Variants in TAOK3 observed in about 807,000 individuals in gnomAD.
TAOK3 encodes TAO kinase 3, also known as serine/threonine-protein kinase TAO3.
In TAOK3, 40 loss-of-function variants were observed where a neutral mutation model predicts 120.4. That is an observed-to-expected ratio of 0.33 (90% CI 0.26 to 0.43). The LOEUF is 0.43. Ranked by LOEUF, TAOK3 falls within the 20% of genes least tolerant of loss-of-function variation. The pLI is 1.00. For missense variants in TAOK3, 821 were observed against 1,112.1 expected, an observed-to-expected ratio of 0.74 and a Z score of 3.72; for synonymous variants, 355 against 387.5, an observed-to-expected ratio of 0.92 and a Z score of 0.99.
intron 7 of TAOK3, among the ~76,000 whole-genome samples, chr12:118,236,857 C>T (rs539965113): frequency 2.0e-5 from 3 of 152,036 alleles, no homozygotes; most frequent in South Asian, 4.2e-4. Context: ...AGTATTTTGA[C>T]TCTTCAACAA....
At chr12:118,157,764 C>T (rs1452396956) in intron 19 of TAOK3, among the ~76,000 whole-genome samples, 2 of 152,242 alleles carry the variant, frequency 1.3e-5, no homozygotes, top group South Asian at 2.1e-4. Flanking sequence ...TGGTACATCA[C>T]GTAGGCACTC....
rs2045943163 is a variant in TAOK3 at position 118,372,850 on chromosome 12, G to A, written c.-396C>T. The A allele has an allele frequency of 6.5e-6, 1 of 153,238 alleles. No homozygotes were observed. The highest frequency in any genetic ancestry group is 1.4e-5 in the Non-Finnish European group (1 of 69,488). The allele number at this position is 153,238 out of a possible 1,614,324, so 9.5% of individuals were successfully genotyped here. On this transcript the variant is annotated 5_prime_UTR_variant, in exon 1 of 21. Coordinates refer to ENST00000392533, the MANE Select transcript of TAOK3 (RefSeq NM_016281.4). The surrounding 1 kb of genome is among the most constrained non-coding windows in gnomAD (Gnocchi z 4.6). ...TCTCCACGCAGGACCCCGCCGCCCG[G>A]CGCCACAAGGACCCTCCCGCGGCCG...
At chr12:118,260,815 GA>G (rs1439738096) in intron 2 of TAOK3, among the ~76,000 whole-genome samples, 1 of 152,142 alleles carries the variant, frequency 6.6e-6, no homozygotes, top group Non-Finnish European at 1.5e-5. Flanking sequence ...CAAGCAGGTG[GA>G]ATTACAGGCA....
intron 1 of TAOK3, among the ~76,000 whole-genome samples, chr12:118,335,142 C>G (rs997864444): frequency 1.3e-5 from 2 of 151,096 alleles, no homozygotes; most frequent in Non-Finnish European, 2.9e-5. Context: ...CAAGGTTGCG[C>G]CATCCCACTT....
At chr12:118,219,288 T>C (rs2039104725) in intron 9 of TAOK3, among the ~76,000 whole-genome samples, 1 of 152,094 alleles carries the variant, frequency 6.6e-6, no homozygotes, top group South Asian at 2.1e-4. Context: ...GGTCTTGCTC[T>C]GTTGCCCAGG....
chr12:118,198,580 T>TACATG (rs2037862651), intron 13 of TAOK3: 1 of 167,200 alleles, frequency 6.0e-6, no homozygotes, highest in Non-Finnish European at 1.3e-5. Flanking sequence ...AAAGACGGGG[T>TACATG]TTCGCCATGT....
intron 1 of TAOK3, among the ~76,000 whole-genome samples, chr12:118,293,673 CAA>C (rs1001779572): frequency 2.5e-5 from 3 of 119,778 alleles, no homozygotes; most frequent in Non-Finnish European, 3.5e-5. Context: ...GACTCTGTCT[CAA>C]AAAAAAAAAG....
At chr12:118,221,027 C>T (rs2039204233) in intron 9 of TAOK3, among the ~76,000 whole-genome samples, 2 of 152,210 alleles carry the variant, frequency 1.3e-5, no homozygotes, top group Non-Finnish European at 2.9e-5. Context: ...CAGCTATCAG[C>T]CTGCTTTTGT....
intron 1 of TAOK3, among the ~76,000 whole-genome samples, chr12:118,302,146 G>A (rs936311310): frequency 2.6e-5 from 4 of 152,086 alleles, no homozygotes; most frequent in African/African-American, 9.7e-5. Context: ...ATGCATTTCT[G>A]CACAGATCAA....
At chr12:118,165,794 C>T (rs1271097630) in intron 17 of TAOK3, among the ~76,000 whole-genome samples, 1 of 152,184 alleles carries the variant, frequency 6.6e-6, no homozygotes, top group African/African-American at 2.4e-5. Flanking sequence ...TTTCTCTATT[C>T]AGAAGGGAAT....
chr12:118,183,521 A>G (rs2036892634), intron 14 of TAOK3, among the ~76,000 whole-genome samples: 1 of 152,206 alleles, frequency 6.6e-6, no homozygotes, highest in South Asian at 2.1e-4. Context: ...AAAATAAATG[A>G]TCTATTTTAT....
chr12:118,184,422 C>T (rs1287475131), intron 14 of TAOK3, among the ~76,000 whole-genome samples: 2 of 152,038 alleles, frequency 1.3e-5, no homozygotes, highest in African/African-American at 4.8e-5. Context: ...AAGAATACAC[C>T]TTTTGGTCAA....
At chr12:118,255,825 G>T in intron 2 of TAOK3, 170 bp from the exon 3 acceptor site, 1 of 275,680 alleles carries the variant, frequency 3.6e-6, no homozygotes. Flanking sequence ...GCTCATGCCT[G>T]TAATCCCGGC....
chr12:118,371,605 G>T lies in TAOK3; in HGVS notation c.-194+1043C>A, dbSNP rs868557474. Reference sequence around the variant, plus strand: ...TGCCAGACCCTGGGAGCACCTCCCCGCTCCACTCGTCTGCGCTGCAGCCGG... The same window carrying T: ...TGCCAGACCCTGGGAGCACCTCCCCTCTCCACTCGTCTGCGCTGCAGCCGG... On this transcript the variant is annotated intron_variant, in intron 1 of 20. Coordinates refer to ENST00000392533, the MANE Select transcript of TAOK3 (RefSeq NM_016281.4). This position sits in a 1 kb window ranked among gnomAD's most constrained non-coding sequence, Gnocchi z 5.5. Among the ~76,000 whole-genome samples, 2 of 151,922 alleles carry T rather than the reference G, an allele frequency of 1.3e-5. No individual in the cohort carries two copies. Among genetic ancestry groups the T allele is most frequent in the Non-Finnish European group, 2.9e-5 (2 of 67,958 alleles).
intron 14 of TAOK3, among the ~76,000 whole-genome samples, chr12:118,187,941 A>C (rs559602938): frequency 8.5e-5 from 13 of 152,142 alleles, no homozygotes; most frequent in Non-Finnish European, 1.9e-4. Context: ...ACAGAGAAGA[A>C]GACTGTGATG....
At chr12:118,322,237 C>T (rs2043737733) in intron 1 of TAOK3, among the ~76,000 whole-genome samples, 1 of 150,152 alleles carries the variant, frequency 6.7e-6, no homozygotes, top group Admixed American at 6.7e-5. Context: ...ACTACTTGAA[C>T]CTGGGAGGCA....
At chr12:118,262,408 G>C (rs1453308125) in intron 2 of TAOK3, among the ~76,000 whole-genome samples, 1 of 151,992 alleles carries the variant, frequency 6.6e-6, no homozygotes, top group East Asian at 2.0e-4. Context: ...CTTGAACCTG[G>C]GAGGTGGAGG....
chr12:118,351,390 G>C (rs1420209350), intron 1 of TAOK3, among the ~76,000 whole-genome samples: 1 of 152,050 alleles, frequency 6.6e-6, no homozygotes, highest in East Asian at 1.9e-4. Flanking sequence ...ACTAGTCCAA[G>C]GCCTGACCCG....
At chr12:118,153,462 G>C (rs1299943886) in intron 19 of TAOK3, among the ~76,000 whole-genome samples, 1 of 152,126 alleles carries the variant, frequency 6.6e-6, no homozygotes, top group Non-Finnish European at 1.5e-5. Flanking sequence ...AATTTTAAGA[G>C]GCATAACTGC....
Sources: allele counts gnomAD v4.1 joint callset (sites outside exome capture counted in the v4.1 genomes callset), GRCh38; gene constraint gnomAD v4.1.1; non-coding constraint Gnocchi (gnomAD v3.1); transcripts MANE v1.5; gene names NCBI Gene and HGNC (gene_info 2026-07-23, HGNC 2026-07-21).